The following SPAG16 variants were observed in gnomAD, a reference collection of about 807,000 sequenced individuals.
SPAG16 encodes the protein sperm associated antigen 16.
Under a neutral mutation model 80.4 loss-of-function variants are expected in SPAG16, and 86 were observed. The ratio of observed to expected loss-of-function variants is 1.07; its 90% CI spans 0.90 to 1.28. SPAG16 has a LOEUF of 1.28. Among genes scored for constraint, SPAG16 ranks in the 50% most tolerant of loss-of-function variants. The pLI is 0.00. For synonymous variants in SPAG16, 294 were observed against 265.9 expected (o/e 1.11, Z -1.03); for missense variants, 870 against 765.3 (o/e 1.14, Z -1.61).
At chr2:213,674,015 G>T (rs1157735911) in intron 10 of SPAG16, among the ~76,000 whole-genome samples, 1 of 151,714 alleles carries the variant, frequency 6.6e-6, no homozygotes, top group South Asian at 2.1e-4. Context: ...CATTATTTTG[G>T]TGCTGTTTAT....
chr2:214,409,905 TAG>T (rs1559280026), intron 15 of SPAG16, among the ~76,000 whole-genome samples: 1 of 152,136 alleles, frequency 6.6e-6, no homozygotes, highest in Non-Finnish European at 1.5e-5. Context: ...ATAAAGGAGG[TAG>T]ACCATTAGGC....
At chr2:214,404,161 A>C (rs1003424173) in intron 15 of SPAG16, among the ~76,000 whole-genome samples, 2 of 152,210 alleles carry the variant, frequency 1.3e-5, no homozygotes. Context: ...TGAGTTAGCA[A>C]ATGCAGATTT....
At chr2:213,587,228 A>G (rs1323586727) in intron 10 of SPAG16, among the ~76,000 whole-genome samples, 2 of 152,130 alleles carry the variant, frequency 1.3e-5, no homozygotes, top group Non-Finnish European at 2.9e-5. Flanking sequence ...TTCTAAATCT[A>G]GATAGAAGCA....
At chr2:213,618,815 G>T (rs2061681223) in intron 10 of SPAG16, among the ~76,000 whole-genome samples, 1 of 150,812 alleles carries the variant, frequency 6.6e-6, no homozygotes. Flanking sequence ...TGATTTCTTT[G>T]TCTTAGTCAT....
At chr2:213,983,448 T>A (rs1202881364) in intron 12 of SPAG16, among the ~76,000 whole-genome samples, 1 of 152,086 alleles carries the variant, frequency 6.6e-6, no homozygotes, top group East Asian at 1.9e-4. Flanking sequence ...ACTGATGCCT[T>A]AGGTATTATT....
intron 9 of SPAG16, among the ~76,000 whole-genome samples, chr2:213,456,793 T>C (rs1283021176): frequency 6.6e-6 from 1 of 152,154 alleles, no homozygotes; most frequent in Admixed American, 6.5e-5. Flanking sequence ...TGTGAGGGAA[T>C]TTTTGTCAGT....
intron 10 of SPAG16, among the ~76,000 whole-genome samples, chr2:213,614,660 G>T (rs1245416231): frequency 1.3e-5 from 2 of 152,092 alleles, no homozygotes; most frequent in Non-Finnish European, 2.9e-5. Flanking sequence ...TCCCACATAG[G>T]TCATTATAAT....
At chr2:213,857,853 T>G (rs934437990) in intron 10 of SPAG16, among the ~76,000 whole-genome samples, 22 of 152,326 alleles carry the variant, frequency 1.4e-4, no homozygotes, top group Admixed American at 9.8e-4. Context: ...GATCAAAATA[T>G]AAACATTAAC....
intron 4 of SPAG16, among the ~76,000 whole-genome samples, chr2:213,313,043 C>G (rs1439717084): frequency 2.0e-5 from 3 of 151,820 alleles, no homozygotes; most frequent in Non-Finnish European, 4.4e-5. Context: ...GCTGTTTCTT[C>G]AATTAATGAG....
chr2:213,315,969 C>G (rs1045245735), intron 4 of SPAG16, among the ~76,000 whole-genome samples: 8 of 151,866 alleles, frequency 5.3e-5, no homozygotes, highest in African/African-American at 1.7e-4. Context: ...TTCTTTCTTT[C>G]TTTACTTTCA....
At chr2:213,350,981 AAC>A (rs2065294126) in intron 7 of SPAG16, among the ~76,000 whole-genome samples, 1 of 149,940 alleles carries the variant, frequency 6.7e-6, no homozygotes, top group Admixed American at 6.6e-5. Flanking sequence ...AAAAAAAAAA[AAC>A]AAAAAACAAA....
At chr2:214,248,382 A>G (rs1690013945) in intron 15 of SPAG16, among the ~76,000 whole-genome samples, 2 of 151,116 alleles carry the variant, frequency 1.3e-5, no homozygotes, top group Admixed American at 6.6e-5. Context: ...CAGTGGCACA[A>G]TCTCAGCTCA....
chr2:214,218,959 A>G (rs2058498516), intron 15 of SPAG16, among the ~76,000 whole-genome samples: 1 of 152,206 alleles, frequency 6.6e-6, no homozygotes, highest in Non-Finnish European at 1.5e-5. Context: ...TTGTTTTGTG[A>G]AAAATGGCCT....
At chr2:213,592,376 TA>T (rs2060725874) in intron 10 of SPAG16, among the ~76,000 whole-genome samples, 1 of 152,208 alleles carries the variant, frequency 6.6e-6, no homozygotes, top group East Asian at 1.9e-4. Context: ...TAGGAAAAAT[TA>T]AATAAAGGGT....
intron 13 of SPAG16, among the ~76,000 whole-genome samples, chr2:214,018,844 G>A (rs957683303): frequency 6.6e-6 from 1 of 152,142 alleles, no homozygotes; most frequent in East Asian, 1.9e-4. Context: ...ACATATACTC[G>A]TTTTAAATCA....
chr2:213,717,999 G>T (rs1239574112), intron 10 of SPAG16, among the ~76,000 whole-genome samples: 1 of 152,042 alleles, frequency 6.6e-6, no homozygotes, highest in Non-Finnish European at 1.5e-5. Flanking sequence ...TGACAAATGG[G>T]ATCTAATTAA....
chr2:214,031,628 G>A (rs866204094), intron 13 of SPAG16, among the ~76,000 whole-genome samples: 11 of 140,586 alleles, frequency 7.8e-5, no homozygotes, highest in Non-Finnish European at 1.1e-4. Context: ...AAATAAACAT[G>A]AAAAAAAAAA....
chr2:214,364,253 T>C (rs913281959), intron 15 of SPAG16, among the ~76,000 whole-genome samples: 4 of 152,084 alleles, frequency 2.6e-5, no homozygotes, highest in African/African-American at 9.7e-5. Context: ...CAATAAATAT[T>C]TGTTGAATTA....
chr2:213,593,350 TATC>T (rs1390641200), intron 10 of SPAG16, among the ~76,000 whole-genome samples: 2 of 152,194 alleles, frequency 1.3e-5, no homozygotes, highest in African/African-American at 4.8e-5. Flanking sequence ...TTCATGGACT[TATC>T]ATCACAATTT....
Sources: allele counts gnomAD v4.1 joint callset (sites outside exome capture counted in the v4.1 genomes callset), GRCh38; gene constraint gnomAD v4.1.1; transcripts MANE v1.5; gene names NCBI Gene and HGNC (gene_info 2026-07-23, HGNC 2026-07-21).